SHISA9: variants seen among roughly 807,000 people sequenced by gnomAD.
SHISA9 encodes protein shisa-9.
SHISA9 carries 13 observed loss-of-function variants against 38.0 expected under a neutral mutation model. The ratio of observed to expected loss-of-function variants is 0.34; its 90% CI spans 0.22 to 0.54. The LOEUF (loss-of-function observed/expected upper bound fraction) is 0.54. Ranked by LOEUF, SHISA9 falls within the 20% of genes least tolerant of loss-of-function variation. SHISA9 has a pLI of 0.91. For missense variants in SHISA9, 538 were observed against 575.8 expected (o/e 0.93, Z 0.67); for synonymous variants, 275 against 242.0 (o/e 1.14, Z -1.27).
At chr16:13,076,506 A>C (rs999116054) in intron 2 of SHISA9, among the ~76,000 whole-genome samples, 1 of 151,560 alleles carries the variant, frequency 6.6e-6, no homozygotes, top group African/African-American at 2.4e-5. Context: ...TCTGTCTTGC[A>C]CACACCCAAC....
rs917454251 is a variant in SHISA9, at chr16:13,235,718, G to A, written c.*309G>A. 5 of 332,276 alleles carry A rather than the reference G, an allele frequency of 1.5e-5. No individual in the cohort carries two copies. Among genetic ancestry groups the A allele is most frequent in the Admixed American group, 4.6e-5 (1 of 21,540 alleles). 20.6% of individuals were successfully genotyped at this position (332,276 alleles called of 1,614,324 possible). A position where few individuals can be genotyped will look rare whatever the true frequency, so the allele number is the denominator to read the frequency against. ...TCACATGCCCAAACCGTGGGGCTGA[G>A]TTTTCTTTTCCTCCTAACTTGAAAC... On this transcript the variant is annotated 3_prime_UTR_variant, in exon 5 of 5. Coordinates refer to ENST00000558583, the MANE Select transcript of SHISA9 (RefSeq NM_001145204.3).
At chr16:13,533,759 A>G in the SHISA9 span, among the ~76,000 whole-genome samples, 2 of 149,550 alleles carry the variant, frequency 1.3e-5, no homozygotes, top group African/African-American at 4.9e-5. Context: ...ATAAGTCTAT[A>G]TGCATGCTAC....
chr16:13,242,805 A>T (rs1207596064), downstream of SHISA9, among the ~76,000 whole-genome samples: 10 of 152,188 alleles, frequency 6.6e-5, no homozygotes, highest in Admixed American at 5.2e-4. Context: ...GTCTCTTACC[A>T]CTTTCAAAGG....
At chr16:13,065,805 G>C (rs11865172) in intron 2 of SHISA9, among the ~76,000 whole-genome samples, 1 of 152,140 alleles carries the variant, frequency 6.6e-6, no homozygotes, top group Non-Finnish European at 1.5e-5. Context: ...CGCTTGTCAG[G>C]ATGACTCTGC....
intron 2 of SHISA9, among the ~76,000 whole-genome samples, chr16:12,999,621 C>T (rs1255731888): frequency 6.6e-6 from 1 of 152,130 alleles, no homozygotes; most frequent in Non-Finnish European, 1.5e-5. Context: ...AATTACCTAC[C>T]TTGACCTAGC....
the SHISA9 span, among the ~76,000 whole-genome samples, chr16:13,266,148 G>T: frequency 1.2e-4 from 19 of 152,168 alleles, no homozygotes; most frequent in Non-Finnish European, 2.8e-4. Context: ...GCTTTATAAA[G>T]GAAAGCAGGA....
chr16:13,060,142 C>T (rs984110425), intron 2 of SHISA9, among the ~76,000 whole-genome samples: 1 of 152,212 alleles, frequency 6.6e-6, no homozygotes, highest in Non-Finnish European at 1.5e-5. Context: ...CCAGACGGGC[C>T]TGGCTCCAAG....
chr16:13,385,025 G>A, the SHISA9 span, among the ~76,000 whole-genome samples: 1 of 152,270 alleles, frequency 6.6e-6, no homozygotes, highest in Non-Finnish European at 1.5e-5. Context: ...GACAGGAAGA[G>A]ACAGTTTACC....
intron 2 of SHISA9, among the ~76,000 whole-genome samples, chr16:13,180,095 G>A (rs756221063): frequency 6.6e-6 from 1 of 152,230 alleles, no homozygotes; most frequent in Non-Finnish European, 1.5e-5. Context: ...AGAACTCCAC[G>A]AAGCAGTCAG....
At chr16:12,920,046 G>T (rs1459694832) in intron 2 of SHISA9, among the ~76,000 whole-genome samples, 1 of 152,194 alleles carries the variant, frequency 6.6e-6, no homozygotes, top group Non-Finnish European at 1.5e-5. Flanking sequence ...CTGCATGTAG[G>T]TTCCCTTTGG....
intron 2 of SHISA9, among the ~76,000 whole-genome samples, chr16:13,070,156 A>ATGTG (rs761815708): frequency 0.013 from 1,897 of 148,088 alleles, 38 homozygotes; most frequent in African/African-American, 0.041. Flanking sequence ...GTGTGTGTGC[A>ATGTG]CGCATGTGTC....
chr16:13,358,166 C>A, the SHISA9 span, among the ~76,000 whole-genome samples: 2 of 152,040 alleles, frequency 1.3e-5, no homozygotes, highest in African/African-American at 4.8e-5. Context: ...TCACTACTAG[C>A]TATGATTGGT....
intron 2 of SHISA9, among the ~76,000 whole-genome samples, chr16:13,007,851 T>G (rs1438770810): frequency 6.6e-6 from 1 of 152,238 alleles, no homozygotes; most frequent in Admixed American, 6.5e-5. Flanking sequence ...CCTCTTGCAC[T>G]TGTTTACATT....
chr16:13,140,128 T>C (rs192947791), intron 2 of SHISA9, among the ~76,000 whole-genome samples: 27 of 25,026 alleles, frequency 1.1e-3, no homozygotes, highest in African/African-American at 2.1e-3. Context: ...TCCCTTCCCT[T>C]CCCTTCCCTT....
At chr16:13,041,473 G>T (rs1022187841) in intron 2 of SHISA9, among the ~76,000 whole-genome samples, 1 of 152,150 alleles carries the variant, frequency 6.6e-6, no homozygotes, top group Non-Finnish European at 1.5e-5. Context: ...ATTCCCTGTT[G>T]GAGCCACGTA....
At chr16:13,469,127 A>T in the SHISA9 span, among the ~76,000 whole-genome samples, 2 of 151,420 alleles carry the variant, frequency 1.3e-5, no homozygotes, top group East Asian at 3.9e-4. Context: ...CTGTAATCCC[A>T]GCTATTCAGG....
the SHISA9 span, among the ~76,000 whole-genome samples, chr16:13,486,308 G>T: frequency 6.6e-6 from 1 of 152,212 alleles, no homozygotes; most frequent in Non-Finnish European, 1.5e-5. Flanking sequence ...AGGATTGAGA[G>T]AAGAGATTTT....
intron 2 of SHISA9, among the ~76,000 whole-genome samples, chr16:13,185,363 G>T (rs992494060): frequency 5.3e-5 from 8 of 151,940 alleles, no homozygotes; most frequent in Non-Finnish European, 1.5e-5. Context: ...CACCATGCCT[G>T]GCTACTTAAA....
chr16:13,205,844 A>T (rs565802390), intron 3 of SHISA9, among the ~76,000 whole-genome samples: 9 of 151,898 alleles, frequency 5.9e-5, no homozygotes, highest in African/African-American at 2.2e-4. Context: ...TCACTGCAAC[A>T]TCCGTCTCCG....
Sources: allele counts gnomAD v4.1 joint callset (sites outside exome capture counted in the v4.1 genomes callset), GRCh38; gene constraint gnomAD v4.1.1; transcripts MANE v1.5; gene names NCBI Gene and HGNC (gene_info 2026-07-23, HGNC 2026-07-21).